The following ZNF142 variants were observed in gnomAD, a reference collection of about 807,000 sequenced individuals.
The protein encoded by ZNF142 is zinc finger protein 142 (clone pHZ-49).
A neutral mutation model predicts 132.1 loss-of-function variants in ZNF142; 96 were observed. The ratio of observed to expected loss-of-function variants is 0.73; its 90% CI spans 0.62 to 0.86. ZNF142 has a LOEUF of 0.86. Ranked by LOEUF, ZNF142 falls within the 40% of genes least tolerant of loss-of-function variation. ZNF142 has a pLI of 0.00. For missense variants in ZNF142, 2,163 were observed against 2,336.2 expected, an observed-to-expected ratio of 0.93 and a Z score of 1.53; for synonymous variants, 842 against 890.1, an observed-to-expected ratio of 0.95 and a Z score of 0.96.
Position 218,647,422 on chromosome 2 carries a change from C to CAAAAAA in ZNF142, c.1874-1080_1874-1075dup, listed in dbSNP as rs35920609. Among the ~76,000 whole-genome samples the CAAAAAA allele has an allele frequency of 2.6e-4, 10 of 38,650 alleles. 2 individuals are homozygous for CAAAAAA. The highest frequency in any genetic ancestry group is 7.2e-4 in the African/African-American group (8 of 11,058). The allele number at this position is 38,650 out of a possible 152,430, so 25.4% of individuals were successfully genotyped here. A position where few individuals can be genotyped will look rare whatever the true frequency, so the allele number is the denominator to read the frequency against. On this transcript the variant is annotated intron_variant, in intron 7 of 10. Transcript: ENST00000411696. ...TGAGCAACAGAGCCAGACTCCATCT[C>CAAAAAA]AAAAAAAAAAAAAGCCTCCTCCCCT...
chr2:218,639,005 C>G (rs897350063), intron 10 of ZNF142, among the ~76,000 whole-genome samples, 197 bp from the exon 11 acceptor site: 2 of 152,172 alleles, frequency 1.3e-5, no homozygotes, highest in Non-Finnish European at 2.9e-5. Context: ...GAGTTTCGCT[C>G]TTGTTGCCCA....
rs777641307 is a variant in ZNF142 at position 218,642,589 on chromosome 2, G to A, written c.4527C>T (p.His1509=). The change falls in exon 9 of 11, where the codon CAC becomes CAT. Residue 1509 remains histidine (H), a synonymous_variant. Coordinates refer to ENST00000411696, the MANE Select transcript of ZNF142 (RefSeq NM_001379659.1). This position sits in a 1 kb window ranked among gnomAD's most constrained non-coding sequence, Gnocchi z 4.6. ...TALKQHALRR[H]PEPAQPAPGS... ...CAGGGGCAGGCTGTGCAGGCTCGGG[G>A]TGTCGGCGCAGAGCATGCTGCTTAA... The A allele has an allele frequency of 1.2e-6, 2 of 1,609,070 alleles. No homozygotes were observed. The highest frequency in any genetic ancestry group is 1.7e-6 in the Non-Finnish European group (2 of 1,178,570).
In ZNF142 at chr2:218,646,338, G is replaced by A; in HGVS notation, c.1884C>T (p.Pro628=). The A allele has an allele frequency of 6.2e-7, 1 of 1,614,092 alleles. No homozygotes were observed. The highest frequency in any genetic ancestry group is 1.1e-5 in the South Asian group (1 of 91,072). The stretch of plus-strand genomic sequence containing the variant: ...TGAAGTCACACAGCTCACACTTGTG[G>A]GGCTTCTCACCTTATATGGGGGATG... The part of the protein sequence containing the change: ...RHMLLHTGEK[P]HKCELCDFTC... Residue 628 remains proline (P), a synonymous_variant, in exon 8 of 11, where the codon CCC becomes CCT. Coordinates refer to ENST00000411696, the MANE Select transcript of ZNF142 (RefSeq NM_001379659.1).
chr2:218,644,667 C>A lies in ZNF142; in HGVS notation c.2449G>T (p.Ala817Ser), dbSNP rs1297611217. Residue 817 changes from alanine to serine, a missense_variant, in exon 9 of 11, where the codon GCC (alanine) becomes TCC (serine). Ala to Ser is a moderately conservative substitution (Grantham distance 99). Transcript: ENST00000411696. This position sits in a 1 kb window ranked among gnomAD's most constrained non-coding sequence, Gnocchi z 4.6. ...LRYASQEPEG[A>S]MQGPTPPPDS... ...GGTGGGGGTGTTGGGCCCTGCATGGCCCCTTCTGGCTCCTGGCTTGCATAG... is the reference window on the plus strand; with the variant it reads ...GGTGGGGGTGTTGGGCCCTGCATGGACCCTTCTGGCTCCTGGCTTGCATAG... 1.2e-6 allele frequency: 2 copies of A among 1,614,236 alleles called. No individual in the cohort carries two copies. The highest frequency in any genetic ancestry group is 2.2e-5 in the South Asian group (2 of 91,090).
Position 218,636,156 on chromosome 2 carries a change from T to C in ZNF142, c.*2183A>G, listed in dbSNP as rs6710896. On this transcript the variant is annotated 3_prime_UTR_variant, in exon 11 of 11. Transcript: ENST00000411696. ...CTTACCTGTAAAATGCTGATTGCCA[T>C]CTAGATTAAATGAGAACACAAGAAA... 10,269 of 1,457,522 alleles carry C rather than the reference T, an allele frequency of 7.0e-3. 576 individuals are homozygous for C. The African/African-American group carries it at 0.13, about 18-fold the overall frequency. The allele number at this position is 1,457,522 out of a possible 1,614,324, so 90.3% of individuals were successfully genotyped here. A position where few individuals can be genotyped will look rare whatever the true frequency, so the allele number is the denominator to read the frequency against.
rs766031608 is a variant in ZNF142 at position 218,643,878 on chromosome 2, C to T, written c.3238G>A (p.Gly1080Ser). Residue 1080 changes from glycine (G) to serine (S), a missense_variant, in exon 9 of 11, where the codon GGC becomes AGC. By Grantham distance (56) the Gly-to-Ser change is moderately conservative (BLOSUM62 0). Around this residue, in one of 7 missense-constraint regions of ZNF142, gnomAD observed 809 missense variants for 801.7 expected, o/e 1.01. Coordinates refer to ENST00000411696, the MANE Select transcript of ZNF142 (RefSeq NM_001379659.1). ...TTCTTCAGCAGGTGGGTGCTGAGGC[C>T]GCGTTGTTGCTTGAAGCTAGCCCCA... ...ECGASFKQQR[G>S]LSTHLLKKCP... 4.3e-6 allele frequency: 7 copies of T among 1,614,100 alleles called. No individual in the cohort carries two copies. Among genetic ancestry groups the T allele is most frequent in the African/African-American group, 1.3e-5 (1 of 75,018 alleles).
intron 6 of ZNF142, 101 bp downstream of exon 6, chr2:218,650,258 G>T: frequency 6.9e-7 from 1 of 1,457,994 alleles, no homozygotes; most frequent in South Asian, 1.2e-5. Flanking sequence ...AAAAGGATCC[G>T]AACCAAAGCT....
chr2:218,645,193 C>A, intron 8 of ZNF142, 129 bp from the exon 9 acceptor site: 1 of 1,155,720 alleles, frequency 8.7e-7, no homozygotes, highest in Non-Finnish European at 1.2e-6. Context: ...ATGTAACCCT[C>A]CTTTTCACTA....
Position 218,634,423 on chromosome 2 carries a change from T to A in ZNF142, c.*3916A>T. On this transcript the variant is annotated 3_prime_UTR_variant, in exon 11 of 11. Transcript: ENST00000411696. This position sits in a 1 kb window ranked among gnomAD's most constrained non-coding sequence, Gnocchi z 4.0. ...AAGAGGGGCTGGAAGGCCTCCATGG[T>A]GAATCTTGCTCTTCTTTTCTCCTGG... 1 of 1,598,916 alleles carries A rather than the reference T, an allele frequency of 6.3e-7. No homozygotes were observed. Among genetic ancestry groups the A allele is most frequent in the Non-Finnish European group, 8.5e-7 (1 of 1,172,210 alleles).
chr2:218,646,212 G>A lies in ZNF142; in HGVS notation c.2010C>T (p.His670=). 1.2e-6 allele frequency: 2 copies of A among 1,614,186 alleles called. No homozygotes were observed. The highest frequency in any genetic ancestry group is 1.1e-5 in the South Asian group (1 of 91,090). The change falls in exon 8 of 11, where the codon CAC becomes CAT. Residue 670 remains histidine, a synonymous_variant. Coordinates refer to ENST00000411696, the MANE Select transcript of ZNF142 (RefSeq NM_001379659.1). ...TECGYVTKWK[H]YLRVHMRKHA... ...GTTTTCGCATGTGCACACGGAGGTAGTGCTTCCACTTGGTGACATAGCCAC... is the reference window on the plus strand; with the variant it reads ...GTTTTCGCATGTGCACACGGAGGTAATGCTTCCACTTGGTGACATAGCCAC...
Position 218,656,175 on chromosome 2 carries a change from G to C in ZNF142, c.255C>G (p.Thr85=), listed in dbSNP as rs367685571. ...IIVETVAGTL[T]PGAPGETPGV... Reference sequence around the variant, plus strand: ...CTGGGGTCTCTCCAGGAGCACCTGGGGTCAGGGTTCCAGCTACTGTCTCCA... The same window carrying C: ...CTGGGGTCTCTCCAGGAGCACCTGGCGTCAGGGTTCCAGCTACTGTCTCCA... The change falls in exon 4 of 11, where the codon ACC becomes ACG. Residue 85 remains threonine, a synonymous_variant. Transcript: ENST00000411696. 1.2e-6 allele frequency: 2 copies of C among 1,602,556 alleles called. No homozygotes were observed. The highest frequency in any genetic ancestry group is 2.7e-5 in the African/African-American group (2 of 74,772).
intron 7 of ZNF142, among the ~76,000 whole-genome samples, chr2:218,648,236 TG>T (rs1937621696): frequency 1.3e-5 from 2 of 152,378 alleles, no homozygotes; most frequent in South Asian, 4.1e-4. Flanking sequence ...GCCATATGCG[TG>T]TGGATGGCTC....
At chr2:218,655,830 G>A (rs1447840147) in intron 4 of ZNF142, among the ~76,000 whole-genome samples, 1 of 152,170 alleles carries the variant, frequency 6.6e-6, no homozygotes. Context: ...CAATATGGAG[G>A]AAAGAATCTC....
chr2:218,657,685 C>T (rs1338821607), intron 3 of ZNF142, among the ~76,000 whole-genome samples: 1 of 152,180 alleles, frequency 6.6e-6, no homozygotes, highest in Non-Finnish European at 1.5e-5. Flanking sequence ...CTGCCTCGGC[C>T]TCCCAAAGTG....
chr2:218,657,108 T>G (rs1938586776), intron 3 of ZNF142, among the ~76,000 whole-genome samples: 1 of 151,708 alleles, frequency 6.6e-6, no homozygotes, highest in South Asian at 2.1e-4. Context: ...GTGAGCCACC[T>G]TGCCTGGTCC....
intron 7 of ZNF142, among the ~76,000 whole-genome samples, chr2:218,648,409 G>A (rs1220183530): frequency 6.6e-6 from 1 of 152,258 alleles, no homozygotes; most frequent in Non-Finnish European, 1.5e-5. Flanking sequence ...CAGCACCACA[G>A]TGGTTAGAGC....
Position 218,636,990 on chromosome 2 carries a change from T to C in ZNF142, c.*1349A>G, listed in dbSNP as rs1696802118. The C allele has an allele frequency of 8.9e-6, 4 of 448,752 alleles. No individual in the cohort carries two copies. Among genetic ancestry groups the C allele is most frequent in the Admixed American group, 7.3e-5 (3 of 41,238 alleles). 27.8% of individuals were successfully genotyped at this position (448,752 alleles called of 1,614,324 possible). A position where few individuals can be genotyped will look rare whatever the true frequency, so the allele number is the denominator to read the frequency against. ...AAGCATCATCCCCTCCATCCCCAAC[T>C]TCCTCAAAGCCCAAAGCCAAGGGAA... is the stretch of plus-strand genomic sequence containing the variant. On this transcript the variant is annotated 3_prime_UTR_variant, in exon 11 of 11. Coordinates refer to ENST00000411696, the MANE Select transcript of ZNF142 (RefSeq NM_001379659.1).
rs1259563696 is a variant in ZNF142, at chr2:218,651,806, C to T, written c.775G>A (p.Gly259Ser). The T allele has an allele frequency of 3.1e-6, 4 of 1,289,770 alleles. No homozygotes were observed. Among genetic ancestry groups the T allele is most frequent in the Non-Finnish European group, 4.0e-6 (4 of 988,894 alleles). 79.9% of individuals were successfully genotyped at this position (1,289,770 alleles called of 1,614,324 possible). The change falls in exon 5 of 11, where the codon GGC (glycine) becomes AGC (serine). Residue 259 changes from glycine (G) to serine (S), a missense_variant. Transcript: ENST00000411696. ...TGCCGGAAGAGTTTGACGTTGGAGC[C>T]TATGAAGCTGCAGTGGCTGCAGTGG... ...PFHCSHCSFI[G>S]SNVKLFRQHQ...
rs778828682 is a variant in ZNF142, at chr2:218,638,314, C to T, written c.*25G>A. The T allele has an allele frequency of 4.0e-6, 6 of 1,494,990 alleles. No individual in the cohort carries two copies. The East Asian group carries it at 1.2e-4, about 29-fold the overall frequency. The allele number at this position is 1,494,990 out of a possible 1,614,324, so 92.6% of individuals were successfully genotyped here. On this transcript the variant is annotated 3_prime_UTR_variant, in exon 11 of 11. Coordinates refer to ENST00000411696, the MANE Select transcript of ZNF142 (RefSeq NM_001379659.1). The stretch of plus-strand genomic sequence containing the variant: ...TGCACATCTCAGACCATACCCTCTT[C>T]CTATACAGGAGGTGGGGCAGGCTTT...
Sources: gnomAD v4.1 joint callset for allele counts (sites outside exome capture counted in the v4.1 genomes callset) on GRCh38, gnomAD v4.1.1 for gene constraint, gnomAD v4.1.1 regional missense constraint, Gnocchi (gnomAD v3.1) non-coding constraint, MANE v1.5 for transcripts, NCBI Gene and HGNC (gene_info 2026-07-23, HGNC 2026-07-21) for gene names.